Variants in ZRANB3 observed in about 807,000 individuals in gnomAD.
ZRANB3 encodes the protein DNA annealing helicase and endonuclease ZRANB3.
In ZRANB3, 125 loss-of-function variants were observed where a neutral mutation model predicts 133.8. The ratio of observed to expected loss-of-function variants is 0.93; its 90% confidence interval spans 0.81 to 1.08. The LOEUF (loss-of-function observed/expected upper bound fraction) is 1.08. ZRANB3 is among the 50% of genes least tolerant of loss of function. ZRANB3 has a pLI of 0.00. For missense variants in ZRANB3, 1,229 were observed against 1,275.5 expected (o/e 0.96, Z 0.56); for synonymous variants, 387 against 432.7 (o/e 0.89, Z 1.31).
chr2:135,355,411 G>T (rs1159531319), intron 3 of ZRANB3: 1 of 325,224 alleles, frequency 3.1e-6, no homozygotes. Context: ...GCCCAGGCTG[G>T]AGTGCAATAG....
chr2:135,271,894 T>C lies in ZRANB3; in HGVS notation c.1087-7A>G. ...CTATCCTAATGTAACGAGTCTAGCA[T>C]CAACAAGGAAAACGGCAAAATTAGG... On this transcript the variant is annotated splice_polypyrimidine_tract_variant and splice_region_variant and intron_variant, in intron 9 of 20. Transcript: ENST00000264159. 1 of 1,607,886 alleles carries C rather than the reference T, an allele frequency of 6.2e-7. No individual in the cohort carries two copies. Among genetic ancestry groups the C allele is most frequent in the Non-Finnish European group, 8.5e-7 (1 of 1,177,990 alleles).
intron 8 of ZRANB3, among the ~76,000 whole-genome samples, chr2:135,309,995 G>A (rs1374968606): frequency 6.6e-6 from 1 of 152,180 alleles, no homozygotes; most frequent in Non-Finnish European, 1.5e-5. Flanking sequence ...GGAGTGCAGT[G>A]TCATGATCTC....
intron 2 of ZRANB3, among the ~76,000 whole-genome samples, chr2:135,400,405 G>A (rs1687684089): frequency 6.6e-6 from 1 of 151,896 alleles, no homozygotes. Flanking sequence ...GAGTACAATG[G>A]CATGATCTCG....
At chr2:135,513,876 T>C (rs1693585626) in intron 1 of ZRANB3, among the ~76,000 whole-genome samples, 1 of 152,176 alleles carries the variant, frequency 6.6e-6, no homozygotes, top group African/African-American at 2.4e-5. Context: ...ATTCACTAAA[T>C]AGGGAATCAA....
intron 6 of ZRANB3, among the ~76,000 whole-genome samples, chr2:135,327,303 A>G (rs1683882955): frequency 6.6e-6 from 1 of 152,186 alleles, no homozygotes; most frequent in Admixed American, 6.5e-5. Context: ...GCATAACAGA[A>G]GGCTGTGGGA....
chr2:135,504,397 G>T lies in ZRANB3; in HGVS notation c.93C>A (p.Asp31Glu). 1 of 1,613,626 alleles carries T rather than the reference G, an allele frequency of 6.2e-7. No individual in the cohort carries two copies. Among genetic ancestry groups the T allele is most frequent in the South Asian group, 1.1e-5 (1 of 91,076 alleles). The part of the protein sequence containing the change: ...ESDNLLDFLP[D>E]RLRAKLLPFQ... ...ATGGAAGTAGCTTTGCTCTTAGTCT[G>T]TCAGGCAAAAAATCCAGCAGATTAT... is the stretch of plus-strand genomic sequence containing the variant. Residue 31 changes from aspartate to glutamate, a missense_variant, in exon 2 of 21, where the codon GAC becomes GAA. Transcript: ENST00000264159.
At chr2:135,481,585 A>T (rs1691813302) in intron 2 of ZRANB3, among the ~76,000 whole-genome samples, 1 of 151,492 alleles carries the variant, frequency 6.6e-6, no homozygotes, top group Non-Finnish European at 1.5e-5. Context: ...CTCTGATGGT[A>T]GTTTCTTTTG....
Position 135,531,154 on chromosome 2 carries a change from C to G in ZRANB3, c.-35G>C, listed in dbSNP as rs541392966. On this transcript the variant is annotated 5_prime_UTR_variant, in exon 1 of 21. Coordinates refer to ENST00000264159, the MANE Select transcript of ZRANB3 (RefSeq NM_032143.4). Reference sequence around the variant, plus strand: ...CGAGTCAGTAAAAACTCACGAAACTCCGCACCTCAGGCTCCAACTCGTGGG... The same window carrying G: ...CGAGTCAGTAAAAACTCACGAAACTGCGCACCTCAGGCTCCAACTCGTGGG... The G allele has an allele frequency of 6.6e-6, 1 of 152,348 alleles. No homozygotes were observed. The highest frequency in any genetic ancestry group is 1.9e-4 in the East Asian group (1 of 5,180). The allele number at this position is 152,348 out of a possible 1,614,324, so 9.4% of individuals were successfully genotyped here. A position where few individuals can be genotyped will look rare whatever the true frequency, so the allele number is the denominator to read the frequency against.
chr2:135,465,093 C>T (rs2105020395), intron 2 of ZRANB3, among the ~76,000 whole-genome samples: 1 of 152,312 alleles, frequency 6.6e-6, no homozygotes. Flanking sequence ...ATACTCAGTT[C>T]CTCATGTGTG....
chr2:135,365,581 G>A (rs1685897123), intron 3 of ZRANB3, among the ~76,000 whole-genome samples: 1 of 152,112 alleles, frequency 6.6e-6, no homozygotes. Context: ...AATTTTCTAT[G>A]TTGTTTACTA....
At chr2:135,512,656 A>G (rs551192704) in intron 1 of ZRANB3, among the ~76,000 whole-genome samples, 1 of 152,110 alleles carries the variant, frequency 6.6e-6, no homozygotes, top group African/African-American at 2.4e-5. Flanking sequence ...GACATATTAT[A>G]CATGCCAAAG....
intron 8 of ZRANB3, among the ~76,000 whole-genome samples, chr2:135,291,995 T>C (rs1053608818): frequency 6.6e-6 from 1 of 152,232 alleles, no homozygotes; most frequent in Non-Finnish European, 1.5e-5. Context: ...CAGTCTATCA[T>C]TGTTGGACAT....
At chr2:135,516,224 T>C (rs1215508241) in intron 1 of ZRANB3, among the ~76,000 whole-genome samples, 1 of 152,196 alleles carries the variant, frequency 6.6e-6, no homozygotes, top group Non-Finnish European at 1.5e-5. Context: ...TGATGGGTCT[T>C]GACTCTATCC....
At chr2:135,380,803 T>C (rs1395273780) in intron 3 of ZRANB3, among the ~76,000 whole-genome samples, 1 of 151,790 alleles carries the variant, frequency 6.6e-6, no homozygotes, top group Non-Finnish European at 1.5e-5. Context: ...AGGCAAGAAA[T>C]AACTAAGATC....
chr2:135,259,838 A>G (rs1400189455), intron 12 of ZRANB3, among the ~76,000 whole-genome samples: 1 of 151,916 alleles, frequency 6.6e-6, no homozygotes, highest in Non-Finnish European at 1.5e-5. Flanking sequence ...GATACTTTAT[A>G]GTTTATATAT....
chr2:135,434,782 A>C (rs1287716982), intron 2 of ZRANB3, among the ~76,000 whole-genome samples: 1 of 152,208 alleles, frequency 6.6e-6, no homozygotes, highest in Non-Finnish European at 1.5e-5. Flanking sequence ...AAAGGTGCAC[A>C]TTATATATGC....
intron 3 of ZRANB3, among the ~76,000 whole-genome samples, chr2:135,372,165 CAAA>C (rs568486324): frequency 1.1e-4 from 10 of 88,578 alleles, no homozygotes; most frequent in East Asian, 3.2e-4. Flanking sequence ...GACTCTGTCT[CAAA>C]AAAAAAAAAA....
intron 6 of ZRANB3, among the ~76,000 whole-genome samples, chr2:135,330,720 T>G: frequency 6.6e-6 from 1 of 152,198 alleles, no homozygotes. Context: ...TTTGCCTCAA[T>G]TTCAGAGCCT....
chr2:135,324,563 G>A (rs181593157), intron 6 of ZRANB3, among the ~76,000 whole-genome samples: 1 of 152,128 alleles, frequency 6.6e-6, no homozygotes, highest in African/African-American at 2.4e-5. Flanking sequence ...TGTCTTTATA[G>A]CAGCATTATT....
Sources: gnomAD v4.1 joint callset for allele counts (sites outside exome capture counted in the v4.1 genomes callset) on GRCh38, gnomAD v4.1.1 for gene constraint, MANE v1.5 for transcripts, NCBI Gene and HGNC (gene_info 2026-07-23, HGNC 2026-07-21) for gene names.